The following CHST5 variants were observed in gnomAD, a reference collection of about 807,000 sequenced individuals.
CHST5 encodes the protein carbohydrate sulfotransferase 5.
For synonymous variants in CHST5, 313 were observed against 279.2 expected, an observed-to-expected ratio of 1.12 and a Z score of -1.21; for missense variants, 637 against 602.1, an observed-to-expected ratio of 1.06 and a Z score of -0.61.
chr16:75,532,682 A>G (rs1371833550), intron 3 of CHST5, among the ~76,000 whole-genome samples: 2 of 152,214 alleles, frequency 1.3e-5, no homozygotes, highest in African/African-American at 4.8e-5. Context: ...CTCCGCTACA[A>G]GTGCAACTGT....
In CHST5 at chr16:75,531,624, G is replaced by A. The variant is rs1272193037; in HGVS notation, c.-1240C>T. On this transcript the variant is annotated 5_prime_UTR_variant, in exon 4 of 4. Transcript: ENST00000336257. ...GCTGCAACGCTGATCACAAATCCAT[G>A]GGAGATGTCTCGACATCTGGCAAAG... 7.7e-7 allele frequency: 1 copy of A among 1,303,852 alleles called. No individual in the cohort carries two copies. Among genetic ancestry groups the A allele is most frequent in the African/African-American group, 1.5e-5 (1 of 65,840 alleles). 80.8% of individuals were successfully genotyped at this position (1,303,852 alleles called of 1,614,324 possible).
chr16:75,532,302 A>G (rs2080529784), intron 3 of CHST5, among the ~76,000 whole-genome samples: 1 of 152,140 alleles, frequency 6.6e-6, no homozygotes. Context: ...CGCATTTCTC[A>G]CAGGGTGGAA....
In CHST5 at chr16:75,531,320, C is replaced by CAAAAAAAA; in HGVS notation, c.-944_-937dup. 4 of 737,654 alleles carry CAAAAAAAA rather than the reference C, an allele frequency of 5.4e-6. No homozygotes were observed. The highest frequency in any genetic ancestry group is 3.4e-5 in the African/African-American group (1 of 29,626). The allele number at this position is 737,654 out of a possible 1,614,324, so 45.7% of individuals were successfully genotyped here. On this transcript the variant is annotated 5_prime_UTR_variant, in exon 4 of 4. The change creates a premature stop within an existing upstream ORF in the 5' untranslated region. Transcript: ENST00000336257. ...CTGAGTGAAGAGTGAGACTCCGTTTCAAAAAAAAAAAAAAAAACAACAAAA... is the reference window on the plus strand; with the variant it reads ...CTGAGTGAAGAGTGAGACTCCGTTTCAAAAAAAAAAAAAAAAAAAAAAAAACAACAAAA...
In CHST5 at chr16:75,531,320, CAAAAAA is replaced by C. The variant is rs370791209; in HGVS notation, c.-942_-937del. 3 of 743,316 alleles carry C rather than the reference CAAAAAA, an allele frequency of 4.0e-6. No homozygotes were observed. The highest frequency in any genetic ancestry group is 6.5e-5 in the African/African-American group (2 of 30,780). The allele number at this position is 743,316 out of a possible 1,614,324, so 46.0% of individuals were successfully genotyped here. A position where few individuals can be genotyped will look rare whatever the true frequency, so the allele number is the denominator to read the frequency against. ...CTGAGTGAAGAGTGAGACTCCGTTT[CAAAAAA>C]AAAAAAAAAAACAACAAAAAAAAAA... On this transcript the variant is annotated 5_prime_UTR_variant, in exon 4 of 4. Transcript: ENST00000336257.
At chr16:75,533,551 T>G (rs2080540375) in intron 2 of CHST5, among the ~76,000 whole-genome samples, 1 of 152,142 alleles carries the variant, frequency 6.6e-6, no homozygotes, top group Admixed American at 6.5e-5. Flanking sequence ...TGGGGGCACA[T>G]ATTTATTACA....
chr16:75,534,290 T>C (rs1473398920), intron 2 of CHST5, among the ~76,000 whole-genome samples: 6 of 151,856 alleles, frequency 4.0e-5, no homozygotes, highest in Non-Finnish European at 7.4e-5. Flanking sequence ...TGAGCCGAGA[T>C]GGCACAATTG....
At position 75,531,469 on chromosome 16, in the gene CHST5, G is replaced by A; in HGVS notation, c.-1085C>T. The A allele has an allele frequency of 1.6e-6, 2 of 1,272,754 alleles. No individual in the cohort carries two copies. The highest frequency in any genetic ancestry group is 1.3e-5 in the South Asian group (1 of 76,134). 78.8% of individuals were successfully genotyped at this position (1,272,754 alleles called of 1,614,324 possible). A position where few individuals can be genotyped will look rare whatever the true frequency, so the allele number is the denominator to read the frequency against. Reference sequence around the variant, plus strand: ...TGGGCTCCAGAAGGAGGGTGTCCTGGAGCCCTGTGGGTTTGCAAGAAGATC... The same window carrying A: ...TGGGCTCCAGAAGGAGGGTGTCCTGAAGCCCTGTGGGTTTGCAAGAAGATC... On this transcript the variant is annotated 5_prime_UTR_variant, in exon 4 of 4. Transcript: ENST00000336257.
At position 75,529,716 on chromosome 16, in the gene CHST5, C is replaced by T. The variant is rs184129553; in HGVS notation, c.669G>A (p.Val223=). Residue 223 remains valine, a synonymous_variant, in exon 4 of 4, where the codon GTG becomes GTA. Coordinates refer to ENST00000336257, the MANE Select transcript of CHST5 (RefSeq NM_024533.5). ...AGCGCAGCACGGCCCGCGGGTCGCG[C>T]ACCAGGTGCACGATGCGCAGGTTGA... ...PALNLRIVHL[V]RDPRAVLRSR... is the part of the protein sequence containing the mutation. 4.3e-6 allele frequency: 7 copies of T among 1,612,364 alleles called. No individual in the cohort carries two copies. In the African/African-American group the frequency reaches 8.0e-5, roughly 18 times the overall value.
Position 75,529,808 on chromosome 16 carries a change from C to G in CHST5, c.577G>C (p.Val193Leu), listed in dbSNP as rs1355660430. ...AAGAAGCGCACCTCCTTGAGCACCACGTGGCTGTAGGAGCGGCAGGCCTCC... is the reference window on the plus strand; with the variant it reads ...AAGAAGCGCACCTCCTTGAGCACCAGGTGGCTGTAGGAGCGGCAGGCCTCC... ...AREACRSYSH[V>L]VLKEVRFFNL... Residue 193 changes from valine to leucine, a missense_variant, in exon 4 of 4, where the codon GTG (valine) becomes CTG (leucine). Coordinates refer to ENST00000336257, the MANE Select transcript of CHST5 (RefSeq NM_024533.5). 6.2e-7 allele frequency: 1 copy of G among 1,613,680 alleles called. No individual in the cohort carries two copies. Among genetic ancestry groups the G allele is most frequent in the Admixed American group, 1.7e-5 (1 of 60,012 alleles).
intron 2 of CHST5, among the ~76,000 whole-genome samples, chr16:75,534,763 A>G (rs2080549427): frequency 6.6e-6 from 1 of 152,206 alleles, no homozygotes; most frequent in African/African-American, 2.4e-5. Flanking sequence ...GCACGACTCC[A>G]CTTCCCCTGA....
In CHST5 at chr16:75,530,402, G is replaced by A. The variant is rs762487964; in HGVS notation, c.-18C>T. ...ATGCCCATCCCATGCCCCAATTACTGCCCAGTGCCCTCAGGGATCAGCCCT... is the reference window on the plus strand; with the variant it reads ...ATGCCCATCCCATGCCCCAATTACTACCCAGTGCCCTCAGGGATCAGCCCT... On this transcript the variant is annotated 5_prime_UTR_variant, in exon 4 of 4. Coordinates refer to ENST00000336257, the MANE Select transcript of CHST5 (RefSeq NM_024533.5). 1.3e-6 allele frequency: 2 copies of A among 1,500,966 alleles called. No homozygotes were observed. The highest frequency in any genetic ancestry group is 8.9e-7 in the Non-Finnish European group (1 of 1,121,310). The allele number at this position is 1,500,966 out of a possible 1,614,324, so 93.0% of individuals were successfully genotyped here.
chr16:75,531,540 A>G lies in CHST5; in HGVS notation c.-1156T>C. On this transcript the variant is annotated 5_prime_UTR_variant, in exon 4 of 4. Coordinates refer to ENST00000336257, the MANE Select transcript of CHST5 (RefSeq NM_024533.5). ...GGAGCCCAAGAAGCAGAGAGGTGAG[A>G]GCAGAGTACTGTCCTGGCCAGCTGA... 4.6e-6 allele frequency: 6 copies of G among 1,303,126 alleles called. No individual in the cohort carries two copies. Among genetic ancestry groups the G allele is most frequent in the Non-Finnish European group, 6.1e-6 (6 of 988,832 alleles). 80.7% of individuals were successfully genotyped at this position (1,303,126 alleles called of 1,614,324 possible). A position where few individuals can be genotyped will look rare whatever the true frequency, so the allele number is the denominator to read the frequency against.
At chr16:75,535,875 C>T (rs896041687) in intron 1 of CHST5, among the ~76,000 whole-genome samples, 169 bp downstream of exon 1, 13 of 152,214 alleles carry the variant, frequency 8.5e-5, no homozygotes, top group African/African-American at 2.9e-4. Flanking sequence ...CTCACCCCCC[C>T]AATCGCCAGA....
In CHST5 at chr16:75,529,513, C is replaced by T. The variant is rs1443296048; in HGVS notation, c.872G>A (p.Arg291His). Residue 291 changes from arginine to histidine, a missense_variant, in exon 4 of 4, where the codon CGC (arginine) becomes CAC (histidine). Transcript: ENST00000336257. ...KPPPFLRGRY[R>H]LVRFEDLARE... The stretch of plus-strand genomic sequence containing the variant: ...CGCCAGGTCCTCGAAGCGCACCAGG[C>T]GGTAGCGGCCGCGCAGGAAGGGTGG... The T allele has an allele frequency of 2.5e-6, 4 of 1,610,366 alleles. No individual in the cohort carries two copies. The highest frequency in any genetic ancestry group is 2.2e-5 in the East Asian group (1 of 44,882).
In CHST5 at chr16:75,530,724, G is replaced by T; in HGVS notation, c.-340C>A. On this transcript the variant is annotated 5_prime_UTR_variant, in exon 4 of 4. Coordinates refer to ENST00000336257, the MANE Select transcript of CHST5 (RefSeq NM_024533.5). ...CCCTTTTAGGTTGTGGAGCTAAAAG[G>T]GCTTGATGGGGGCTTCGGTGGATGT... is the stretch of plus-strand genomic sequence containing the variant. 2 of 1,086,082 alleles carry T rather than the reference G, an allele frequency of 1.8e-6. No individual in the cohort carries two copies. Among genetic ancestry groups the T allele is most frequent in the Non-Finnish European group, 2.3e-6 (2 of 884,320 alleles). 67.3% of individuals were successfully genotyped at this position (1,086,082 alleles called of 1,614,324 possible). A position where few individuals can be genotyped will look rare whatever the true frequency, so the allele number is the denominator to read the frequency against.
At chr16:75,534,883 GACCCCT>G (rs1366576845) in intron 2 of CHST5, among the ~76,000 whole-genome samples, 2 of 152,172 alleles carry the variant, frequency 1.3e-5, no homozygotes, top group African/African-American at 4.8e-5. Context: ...CCCGCACCCC[GACCCCT>G]GCCCTGCGCA....
At chr16:75,533,553 T>C (rs548416580) in intron 2 of CHST5, among the ~76,000 whole-genome samples, 1 of 152,242 alleles carries the variant, frequency 6.6e-6, no homozygotes, top group East Asian at 1.9e-4. Flanking sequence ...GGGGCACATA[T>C]TTATTACATG....
rs777450103 is a variant in CHST5 at position 75,530,215 on chromosome 16, G to A, written c.170C>T (p.Ala57Val). Residue 57 changes from alanine (A) to valine (V), a missense_variant, in exon 4 of 4, where the codon GCC (alanine) becomes GTC (valine). Ala to Val is a moderately conservative substitution (Grantham distance 64). Coordinates refer to ENST00000336257, the MANE Select transcript of CHST5 (RefSeq NM_024533.5). ...CACGTGCACACGATCCTCGCCGCCG[G>A]CTGGGGATGAGGGCCCTGGCCGGGA... ...IISRPGPSSP[A>V]GGEDRVHVLV... 2.4e-5 allele frequency: 39 copies of A among 1,613,576 alleles called. No individual in the cohort carries two copies. The highest frequency in any genetic ancestry group is 3.2e-5 in the Non-Finnish European group (38 of 1,179,992).
At position 75,531,640 on chromosome 16, in the gene CHST5, T is replaced by C. The variant is rs1405334510; in HGVS notation, c.-1256A>G. On this transcript the variant is annotated splice_region_variant and 5_prime_UTR_variant, in exon 4 of 4. It removes an upstream start codon present in the reference 5' UTR. Coordinates refer to ENST00000336257, the MANE Select transcript of CHST5 (RefSeq NM_024533.5). ...CAAATCCATGGGAGATGTCTCGACA[T>C]CTGGCAAAGCAGGAAGGAGAGGAGA... is the stretch of plus-strand genomic sequence containing the variant. 9.2e-6 allele frequency: 12 copies of C among 1,303,832 alleles called. No individual in the cohort carries two copies. Among genetic ancestry groups the C allele is most frequent in the Non-Finnish European group, 1.2e-5 (12 of 988,682 alleles). 80.8% of individuals were successfully genotyped at this position (1,303,832 alleles called of 1,614,324 possible).
Sources: allele counts gnomAD v4.1 joint callset (sites outside exome capture counted in the v4.1 genomes callset), GRCh38; gene constraint gnomAD v4.1.1; transcripts MANE v1.5; gene names NCBI Gene and HGNC (gene_info 2026-07-23, HGNC 2026-07-21).